The following NCBP1 variants were observed in gnomAD, a reference collection of about 807,000 sequenced individuals.
NCBP1 encodes the protein nuclear cap-binding protein subunit 1.
NCBP1 carries 16 observed loss-of-function variants against 111.7 expected under a neutral mutation model. The ratio of observed to expected loss-of-function variants is 0.14; its 90% confidence interval spans 0.10 to 0.22. The LOEUF is 0.22. Ranked by LOEUF, NCBP1 falls within the 10% of genes least tolerant of loss-of-function variation. The probability of loss-of-function intolerance (pLI) is 1.00; values close to 1 mark genes in which losing one functional copy is unlikely to be tolerated. For missense variants in NCBP1, 607 were observed against 957.5 expected (o/e 0.63, Z 4.83); for synonymous variants, 304 against 314.3 (o/e 0.97, Z 0.35).
intron 12 of NCBP1, 149 bp downstream of exon 12, chr9:97,655,093 T>C: frequency 1.8e-6 from 1 of 545,020 alleles, no homozygotes; most frequent in Non-Finnish European, 3.1e-6. Context: ...ACCAGACTCA[T>C]ACTTAATGTA....
chr9:97,645,788 A>G, intron 6 of NCBP1, 56 bp downstream of exon 6: 1 of 1,575,008 alleles, frequency 6.3e-7, no homozygotes, highest in Non-Finnish European at 8.7e-7. Flanking sequence ...ATCTTATATC[A>G]GTGATACCAT....
intron 20 of NCBP1, 24 bp from the exon 21 acceptor site, chr9:97,668,822 C>T: frequency 4.4e-6 from 7 of 1,603,842 alleles, no homozygotes; most frequent in Non-Finnish European, 5.1e-6. Context: ...TGGTATTTTC[C>T]TTTTGTTCAT....
At chr9:97,651,402 G>T in intron 10 of NCBP1, 29 bp downstream of exon 10, 1 of 1,597,444 alleles carries the variant, frequency 6.3e-7, no homozygotes. Flanking sequence ...GCGTGTTTCT[G>T]AGTTTCAGAA....
intron 22 of NCBP1, 58 bp downstream of exon 22, chr9:97,669,764 T>G: frequency 8.0e-7 from 1 of 1,256,570 alleles, no homozygotes; most frequent in East Asian, 2.4e-5. Context: ...AGATTTTTCA[T>G]TAAAAAAAAT....
chr9:97,645,320 C>A, intron 5 of NCBP1, 96 bp downstream of exon 5: 2 of 974,464 alleles, frequency 2.1e-6, no homozygotes, highest in Non-Finnish European at 3.2e-6. Flanking sequence ...CGCTGATAAC[C>A]CATTAGCAAT....
chr9:97,656,529 C>T (rs533215588), intron 14 of NCBP1, among the ~76,000 whole-genome samples: 6 of 151,748 alleles, frequency 4.0e-5, no homozygotes, highest in East Asian at 3.9e-4. Flanking sequence ...CCAATCTGGC[C>T]GACAGAGCGA....
At chr9:97,642,906 A>G (rs1315694646) in intron 3 of NCBP1, among the ~76,000 whole-genome samples, 3 of 152,142 alleles carry the variant, frequency 2.0e-5, no homozygotes, top group Admixed American at 2.0e-4. Context: ...CAGTTCCACT[A>G]AGCACACTTG....
intron 22 of NCBP1, among the ~76,000 whole-genome samples, chr9:97,670,878 A>C (rs1828169718): frequency 6.6e-6 from 1 of 152,156 alleles, no homozygotes; most frequent in Non-Finnish European, 1.5e-5. Context: ...GATTTTTTAA[A>C]AAGCTATTGA....
chr9:97,656,178 A>G (rs1043700792), intron 14 of NCBP1, 93 bp downstream of exon 14: 12 of 1,040,200 alleles, frequency 1.2e-5, no homozygotes, highest in African/African-American at 9.6e-5. Context: ...ATTGGATTCA[A>G]AATCCACTTA....
intron 14 of NCBP1, 67 bp from the exon 15 acceptor site, chr9:97,658,573 A>G (rs1403064702): frequency 1.7e-6 from 2 of 1,180,366 alleles, no homozygotes; most frequent in Non-Finnish European, 2.5e-6. Flanking sequence ...CTTTCCAGGT[A>G]AGTCGGGTGT....
chr9:97,640,780 T>C lies in NCBP1; in HGVS notation c.35-14T>C, dbSNP rs1475544764. The stretch of plus-strand genomic sequence containing the variant: ...TTTATCATGTAATGTTAATTTTTTA[T>C]GTTGCTGAAATAGGTGGGCAGCCTC... On this transcript the variant is annotated splice_polypyrimidine_tract_variant and intron_variant, in intron 1 of 22. Transcript: ENST00000375147. The C allele has an allele frequency of 1.3e-6, 2 of 1,585,992 alleles. No homozygotes were observed. The highest frequency in any genetic ancestry group is 1.9e-5 in the Admixed American group (1 of 53,978).
chr9:97,653,116 A>ATTTTT (rs1487976304), intron 10 of NCBP1, among the ~76,000 whole-genome samples: 4 of 138,956 alleles, frequency 2.9e-5, no homozygotes, highest in East Asian at 2.2e-4. Flanking sequence ...GTCTAAAAGA[A>ATTTTT]TTCTTTTTTT....
intron 2 of NCBP1, 36 bp downstream of exon 2, chr9:97,640,918 T>G: frequency 6.9e-7 from 1 of 1,457,914 alleles, no homozygotes. Context: ...GTGATGGGTT[T>G]AAGAATGTGG....
In NCBP1 at chr9:97,671,280, C is replaced by A. The variant is rs929973976; in HGVS notation, c.*81C>A. 12 of 1,031,374 alleles carry A rather than the reference C, an allele frequency of 1.2e-5. No homozygotes were observed. Among genetic ancestry groups the A allele is most frequent in the Non-Finnish European group, 1.7e-5 (12 of 688,594 alleles). The allele number at this position is 1,031,374 out of a possible 1,614,324, so 63.9% of individuals were successfully genotyped here. ...TATTTTTTGATGGTTTGAATGCTTGCTTTCTTGTAGTATCCTTTCACTTCT... is the reference window on the plus strand; with the variant it reads ...TATTTTTTGATGGTTTGAATGCTTGATTTCTTGTAGTATCCTTTCACTTCT... On this transcript the variant is annotated 3_prime_UTR_variant, in exon 23 of 23. Coordinates refer to ENST00000375147, the MANE Select transcript of NCBP1 (RefSeq NM_002486.5).
In NCBP1 at chr9:97,671,200, G is replaced by C. The variant is rs758076211; in HGVS notation, c.*1G>C. 2.4e-5 allele frequency: 38 copies of C among 1,582,314 alleles called. No individual in the cohort carries two copies. The highest frequency in any genetic ancestry group is 3.2e-5 in the Non-Finnish European group (37 of 1,159,564). ...GCAGTTCTGTGCCCTGCAGGCCTAA[G>C]GGTCATTTTTTCCTCATGTCAAGGT... On this transcript the variant is annotated 3_prime_UTR_variant, in exon 23 of 23. Transcript: ENST00000375147.
intron 21 of NCBP1, 92 bp downstream of exon 21, chr9:97,669,066 A>G: frequency 1.5e-6 from 2 of 1,357,842 alleles, no homozygotes; most frequent in Non-Finnish European, 2.0e-6. Flanking sequence ...TGTAAAAGGA[A>G]TACACATTCA....
chr9:97,649,617 C>T (rs986180203), intron 8 of NCBP1, among the ~76,000 whole-genome samples: 2 of 152,088 alleles, frequency 1.3e-5, no homozygotes, highest in Non-Finnish European at 2.9e-5. Context: ...AGCTTGCTGC[C>T]GTCTTTGCTA....
chr9:97,641,724 G>A, intron 3 of NCBP1, 62 bp downstream of exon 3: 1 of 1,420,372 alleles, frequency 7.0e-7, no homozygotes, highest in Non-Finnish European at 9.5e-7. Flanking sequence ...TAAATGCTTT[G>A]GGAAATGTTC....
At chr9:97,663,778 G>T (rs114583619) in intron 18 of NCBP1, among the ~76,000 whole-genome samples, 1,821 of 151,878 alleles carry the variant, frequency 0.012, 36 homozygotes, top group African/African-American at 0.042. Flanking sequence ...GAGCCACCGC[G>T]CCTGGCCAGT....
Sources: allele counts gnomAD v4.1 joint callset (sites outside exome capture counted in the v4.1 genomes callset), GRCh38; gene constraint gnomAD v4.1.1; transcripts MANE v1.5; gene names NCBI Gene and HGNC (gene_info 2026-07-23, HGNC 2026-07-21).